HBS1L: variants seen among roughly 807,000 people sequenced by gnomAD.
HBS1L encodes HBS1-like protein.
In HBS1L, 55 loss-of-function variants were observed where a neutral mutation model predicts 88.9. The ratio of observed to expected loss-of-function variants is 0.62; its 90% CI spans 0.50 to 0.77. The LOEUF (loss-of-function observed/expected upper bound fraction) is 0.77. Ranked by LOEUF, HBS1L falls within the 30% of genes least tolerant of loss-of-function variation. The pLI, the probability that HBS1L is intolerant of heterozygous loss-of-function variation, is 0.00. For missense variants in HBS1L, 741 were observed against 829.3 expected, an observed-to-expected ratio of 0.89 and a Z score of 1.31; for synonymous variants, 267 against 288.5, an observed-to-expected ratio of 0.93 and a Z score of 0.76.
chr6:135,051,897 C>T (rs75365983), intron 1 of HBS1L, among the ~76,000 whole-genome samples: 2,136 of 152,300 alleles, frequency 0.014, 54 homozygotes, highest in African/African-American at 0.049. Context: ...TTCCAGTTAT[C>T]ACTGCACCTA....
chr6:134,969,288 C>T lies in HBS1L; in HGVS notation c.1848G>A (p.Leu616=). The part of the protein sequence containing the change: ...TVSEPAVIKR[L]ISVLNKSTGE... ...CCGTGCTTTTGTTTAAGACACTAAT[C>T]AATCGTTTAATAACGGCGGGTTCAC... Residue 616 remains leucine, a synonymous_variant, in exon 16 of 18, where the codon TTG becomes TTA. Transcript: ENST00000367837. The T allele has an allele frequency of 6.2e-7, 1 of 1,613,850 alleles. No homozygotes were observed. The highest frequency in any genetic ancestry group is 8.5e-7 in the Non-Finnish European group (1 of 1,179,832).
chr6:135,028,303 C>CT (rs1031520462), intron 4 of HBS1L, among the ~76,000 whole-genome samples: 1 of 148,424 alleles, frequency 6.7e-6, no homozygotes. Context: ...AAAGGGGAGA[C>CT]TAGAGGAGAG....
At position 134,987,790 on chromosome 6, in the gene HBS1L, G is replaced by C. The variant is rs752295589; in HGVS notation, c.1085C>G (p.Ala362Gly). The change falls in exon 9 of 18, where the codon GCG becomes GGG. Residue 362 changes from alanine to glycine, a missense_variant and splice_region_variant. Coordinates refer to ENST00000367837, the MANE Select transcript of HBS1L (RefSeq NM_006620.4). The part of the protein sequence containing the change: ...IPNMITGAAQ[A>G]DVAVLVVDAS... ...ATCTACAACTAAAACAGCTACATCC[G>C]CCTAAAGAAGAAAAATAATCGAAGC... is the stretch of plus-strand genomic sequence containing the variant. The C allele has an allele frequency of 6.4e-7, 1 of 1,567,882 alleles. No homozygotes were observed. Among genetic ancestry groups the C allele is most frequent in the Non-Finnish European group, 8.6e-7 (1 of 1,160,590 alleles).
At chr6:135,004,313 C>T (rs908892013) in intron 4 of HBS1L, among the ~76,000 whole-genome samples, 4 of 150,760 alleles carry the variant, frequency 2.7e-5, no homozygotes, top group Admixed American at 1.3e-4. Context: ...ATAAAGAATC[C>T]ATATATGGTG....
chr6:135,040,341 A>ATTTTTT (rs1562314215), intron 3 of HBS1L, among the ~76,000 whole-genome samples: 10 of 103,860 alleles, frequency 9.6e-5, no homozygotes, highest in African/African-American at 3.8e-4. Flanking sequence ...GAGGATAGGC[A>ATTTTTT]TTCTTTTTTT....
At chr6:134,966,613 G>T in intron 16 of HBS1L, 140 bp from the exon 17 acceptor site, 1 of 565,884 alleles carries the variant, frequency 1.8e-6, no homozygotes, top group Non-Finnish European at 3.0e-6. Context: ...TTTTTTGAAT[G>T]AAAATATATG....
intron 4 of HBS1L, among the ~76,000 whole-genome samples, chr6:135,018,540 A>T (rs1002823190): frequency 6.6e-6 from 1 of 152,028 alleles, no homozygotes; most frequent in African/African-American, 2.4e-5. Context: ...GAGGTAGTAT[A>T]TGCAAAATTT....
intron 12 of HBS1L, 79 bp from the exon 13 acceptor site, chr6:134,982,641 C>A: frequency 1.5e-6 from 1 of 686,060 alleles, no homozygotes; most frequent in Non-Finnish European, 2.5e-6. Flanking sequence ...ACTTAGTTCT[C>A]AAGTAGTCAT....
chr6:135,033,499 G>A (rs1259685724), intron 4 of HBS1L, among the ~76,000 whole-genome samples: 1 of 152,158 alleles, frequency 6.6e-6, no homozygotes, highest in African/African-American at 2.4e-5. Context: ...GCAAGTACTT[G>A]TCATGTACAT....
chr6:135,018,404 AAAC>A (rs943227588), intron 4 of HBS1L, among the ~76,000 whole-genome samples: 2 of 152,162 alleles, frequency 1.3e-5, no homozygotes, highest in African/African-American at 4.8e-5. Context: ...CACTAGAAGA[AAAC>A]AACCTAAAAG....
At chr6:135,041,118 C>T (rs1363547334) in intron 3 of HBS1L, among the ~76,000 whole-genome samples, 2 of 150,494 alleles carry the variant, frequency 1.3e-5, no homozygotes, top group Non-Finnish European at 3.0e-5. Flanking sequence ...ATATGCTGAA[C>T]AAGTAATCTA....
intron 8 of HBS1L, among the ~76,000 whole-genome samples, chr6:134,991,187 C>G (rs1430997068): frequency 1.3e-5 from 2 of 152,152 alleles, no homozygotes; most frequent in Non-Finnish European, 1.5e-5. Context: ...TCCAGACCTC[C>G]CAACACCCAT....
At chr6:134,987,191 A>T (rs1469917697) in intron 9 of HBS1L, among the ~76,000 whole-genome samples, 1 of 152,118 alleles carries the variant, frequency 6.6e-6, no homozygotes, top group Non-Finnish European at 1.5e-5. Context: ...ATTATCAATT[A>T]CTTGGAAACA....
intron 4 of HBS1L, among the ~76,000 whole-genome samples, chr6:135,026,117 T>A (rs1284015854): frequency 6.6e-6 from 1 of 152,192 alleles, no homozygotes; most frequent in African/African-American, 2.4e-5. Flanking sequence ...ACTTTAAAAA[T>A]AACTAATAAA....
rs543890407 is a variant in HBS1L at position 135,023,227 on chromosome 6, G to A, written c.430+16346C>T. On this transcript the variant is annotated intron_variant, in intron 4 of 17. Coordinates refer to ENST00000367837, the MANE Select transcript of HBS1L (RefSeq NM_006620.4). ...TGGGAGGCCGAGGCGGGCAGATCAC[G>A]AGGTCAGGAGATCGAGACCATCCTG... Among the ~76,000 whole-genome samples the A allele has an allele frequency of 6.6e-5, 10 of 152,176 alleles. No homozygotes were observed. In the South Asian group the frequency reaches 1.9e-3, roughly 28 times the overall value.
At chr6:135,044,610 G>A (rs1391311445) in intron 2 of HBS1L, among the ~76,000 whole-genome samples, 2 of 152,120 alleles carry the variant, frequency 1.3e-5, no homozygotes, top group African/African-American at 4.8e-5. Flanking sequence ...ATAGCCTTTT[G>A]TTTTAAAGTG....
chr6:134,994,023 T>C (rs1372835753), intron 7 of HBS1L, 148 bp from the exon 8 acceptor site: 1 of 419,286 alleles, frequency 2.4e-6, no homozygotes, highest in African/African-American at 2.0e-5. Context: ...AAATTATCAA[T>C]CGGGGCTGGA....
chr6:134,990,602 C>G (rs1021903708), intron 8 of HBS1L, among the ~76,000 whole-genome samples: 20 of 152,126 alleles, frequency 1.3e-4, no homozygotes, highest in African/African-American at 4.6e-4. Flanking sequence ...GAGGCAGGGT[C>G]TCACTCCCTT....
In HBS1L at chr6:134,979,242, C is replaced by A; in HGVS notation, c.1624G>T (p.Asp542Tyr). The change falls in exon 14 of 18, where the codon GAC becomes TAC. Residue 542 changes from aspartate (D) to tyrosine (Y), a missense_variant. Coordinates refer to ENST00000367837, the MANE Select transcript of HBS1L (RefSeq NM_006620.4). ...KGITLHDEPVDWAAAGDHVSL... is the reference protein window; with the variant it reads ...KGITLHDEPVYWAAAGDHVSL... ...ACATGATCGCCTGCTGCCGCCCAGTCGACAGGTTCATCATGCAGAGTGATT... is the reference window on the plus strand; with the variant it reads ...ACATGATCGCCTGCTGCCGCCCAGTAGACAGGTTCATCATGCAGAGTGATT... The A allele has an allele frequency of 1.2e-6, 2 of 1,611,994 alleles. No homozygotes were observed.
Sources: gnomAD v4.1 joint callset for allele counts (sites outside exome capture counted in the v4.1 genomes callset) on GRCh38, gnomAD v4.1.1 for gene constraint, MANE v1.5 for transcripts, NCBI Gene and HGNC (gene_info 2026-07-23, HGNC 2026-07-21) for gene names.